The following TSPAN14 variants were observed in gnomAD, a reference collection of about 807,000 sequenced individuals.
TSPAN14 encodes tetraspanin-14.
A neutral mutation model predicts 36.6 loss-of-function variants in TSPAN14; 16 were observed. The ratio of observed to expected loss-of-function variants is 0.44; its 90% CI spans 0.30 to 0.66. The LOEUF is 0.66. Ranked by LOEUF, TSPAN14 falls within the 30% of genes least tolerant of loss-of-function variation. The pLI, the probability that TSPAN14 is intolerant of heterozygous loss-of-function variation, is 0.12. For synonymous variants in TSPAN14, 139 were observed against 143.8 expected, an observed-to-expected ratio of 0.97 and a Z score of 0.24; for missense variants, 231 against 355.1, an observed-to-expected ratio of 0.65 and a Z score of 2.81.
At chr10:80,489,048 T>C (rs954263857) in intron 1 of TSPAN14, among the ~76,000 whole-genome samples, 169 bp from the exon 2 acceptor site, 6 of 152,236 alleles carry the variant, frequency 3.9e-5, no homozygotes, top group African/African-American at 1.2e-4. Context: ...TGATTTAACC[T>C]GAGTTTTGCA....
chr10:80,507,502 G>T lies in TSPAN14; in HGVS notation c.279+128G>T, dbSNP rs1474574020. On this transcript the variant is annotated intron_variant, in intron 4 of 8. Coordinates refer to ENST00000429989, the Ensembl canonical transcript of TSPAN14. ...GAGCCTCCCCTAGGCCCCTGCCTGG[G>T]AGCAGGAGGCAGCCATTTGCACTCT... 9 of 1,332,320 alleles carry T rather than the reference G, an allele frequency of 6.8e-6. No homozygotes were observed. In the East Asian group the frequency reaches 1.7e-4, roughly 25 times the overall value. The allele number at this position is 1,332,320 out of a possible 1,614,324, so 82.5% of individuals were successfully genotyped here. A position where few individuals can be genotyped will look rare whatever the true frequency, so the allele number is the denominator to read the frequency against.
exon 9 of TSPAN14, chr10:80,517,961 C>T (rs983615623): frequency 1.1e-5 from 17 of 1,561,784 alleles, no homozygotes; most frequent in African/African-American, 2.7e-5. Flanking sequence ...CAGTGAAGGC[C>T]GGCCATCACT....
chr10:80,469,475 T>TGG (rs1846421512), intron 1 of TSPAN14, among the ~76,000 whole-genome samples: 2 of 152,166 alleles, frequency 1.3e-5, no homozygotes, highest in Non-Finnish European at 1.5e-5. Context: ...TGGCGAAGGT[T>TGG]GGGGCTTTGT....
intron 1 of TSPAN14, among the ~76,000 whole-genome samples, chr10:80,477,385 A>G (rs938152199): frequency 2.2e-4 from 34 of 152,344 alleles, no homozygotes; most frequent in African/African-American, 7.7e-4. Flanking sequence ...TCTTCTGGGT[A>G]AAAAATAGTG....
chr10:80,484,103 G>A (rs1847458714), intron 1 of TSPAN14, among the ~76,000 whole-genome samples: 1 of 151,338 alleles, frequency 6.6e-6, no homozygotes, highest in Non-Finnish European at 1.5e-5. Flanking sequence ...AAATTAGCCA[G>A]GCCTGGTGGC....
At chr10:80,517,322 A>G (rs1032084755) in intron 8 of TSPAN14, among the ~76,000 whole-genome samples, 1 of 152,224 alleles carries the variant, frequency 6.6e-6, no homozygotes, top group Non-Finnish European at 1.5e-5. Flanking sequence ...AGAACCACAC[A>G]AGAATTTAAA....
chr10:80,490,631 G>A (rs1055892631), intron 2 of TSPAN14, among the ~76,000 whole-genome samples: 7 of 152,200 alleles, frequency 4.6e-5, no homozygotes, highest in African/African-American at 1.7e-4. Context: ...AGGGGATCTG[G>A]GCGGGTGGAT....
chr10:80,512,037 G>A, intron 5 of TSPAN14, 107 bp from the exon 6 acceptor site: 7 of 1,541,160 alleles, frequency 4.5e-6, no homozygotes, highest in African/African-American at 1.4e-5. Context: ...TCTCTGCATG[G>A]TAGATGCCGG....
intron 2 of TSPAN14, among the ~76,000 whole-genome samples, chr10:80,503,713 G>A (rs1426300553): frequency 6.6e-6 from 1 of 152,092 alleles, no homozygotes; most frequent in East Asian, 1.9e-4. Flanking sequence ...CTTTCCTTGA[G>A]CCCTTTCTTT....
intron 2 of TSPAN14, among the ~76,000 whole-genome samples, chr10:80,504,132 G>A (rs955106891): frequency 2.0e-5 from 3 of 152,170 alleles, no homozygotes; most frequent in Non-Finnish European, 2.9e-5. Context: ...GCATAGATGC[G>A]CCCCCTGCTC....
At chr10:80,463,763 A>G (rs973639864) in intron 1 of TSPAN14, among the ~76,000 whole-genome samples, 8 of 152,226 alleles carry the variant, frequency 5.3e-5, no homozygotes, top group Non-Finnish European at 1.0e-4. Context: ...TTAGGTGTGT[A>G]AAAGGAAAAG....
intron 1 of TSPAN14, among the ~76,000 whole-genome samples, chr10:80,478,421 G>GAGA (rs538419461): frequency 4.3e-4 from 65 of 152,330 alleles, no homozygotes; most frequent in African/African-American, 1.5e-3. Flanking sequence ...AGGGAAAACA[G>GAGA]AGAAGAAGGC....
intron 1 of TSPAN14, among the ~76,000 whole-genome samples, chr10:80,477,711 G>A (rs554084517): frequency 1.1e-4 from 17 of 152,096 alleles, no homozygotes; most frequent in South Asian, 2.1e-4. Context: ...GATGGCCTCC[G>A]ACTTTAGCTG....
chr10:80,513,648 T>C (rs934264312), intron 6 of TSPAN14, among the ~76,000 whole-genome samples: 12 of 152,246 alleles, frequency 7.9e-5, no homozygotes, highest in African/African-American at 2.9e-4. Context: ...TTTTAAATGG[T>C]TGGAAATAAA....
chr10:80,483,834 C>T (rs753929787), intron 1 of TSPAN14, among the ~76,000 whole-genome samples: 58 of 132,564 alleles, frequency 4.4e-4, no homozygotes, highest in Non-Finnish European at 3.3e-4. Flanking sequence ...CACTTGAACC[C>T]GGGAGGCGGA....
At chr10:80,512,433 T>C (rs75442315) in intron 6 of TSPAN14, among the ~76,000 whole-genome samples, 164 bp downstream of exon 6, 9,931 of 152,284 alleles carry the variant, frequency 0.065, 362 homozygotes, top group Middle Eastern at 0.11. Context: ...TGAAATCCGA[T>C]ATGTGTACAT....
chr10:80,504,660 C>T, intron 2 of TSPAN14, 68 bp from the exon 3 acceptor site: 25 of 1,598,188 alleles, frequency 1.6e-5, no homozygotes, highest in Non-Finnish European at 2.1e-5. Flanking sequence ...GGACTTTGCT[C>T]TGTGAAGCAT....
intron 6 of TSPAN14, among the ~76,000 whole-genome samples, 199 bp downstream of exon 6, chr10:80,512,468 C>A (rs1256152972): frequency 1.3e-5 from 2 of 152,192 alleles, no homozygotes; most frequent in African/African-American, 4.8e-5. Context: ...TTGCATGACC[C>A]ACCCTGGCCT....
intron 1 of TSPAN14, among the ~76,000 whole-genome samples, chr10:80,465,044 C>T (rs1365673552): frequency 1.3e-5 from 2 of 152,164 alleles, no homozygotes; most frequent in African/African-American, 2.4e-5. Flanking sequence ...TCAAGATCCC[C>T]CTTCGCCCTT....
Sources: allele counts gnomAD v4.1 joint callset (sites outside exome capture counted in the v4.1 genomes callset), GRCh38; gene constraint gnomAD v4.1.1; transcripts MANE v1.5; gene names NCBI Gene and HGNC (gene_info 2026-07-23, HGNC 2026-07-21).